REDIC1: variants seen among roughly 807,000 people sequenced by gnomAD.
The protein encoded by REDIC1 is HEI10 Interacting Protein 1.
chr12:39,717,150 A>G, the REDIC1 span, among the ~76,000 whole-genome samples: 3 of 149,952 alleles, frequency 2.0e-5, no homozygotes, highest in African/African-American at 7.3e-5. Flanking sequence ...TATGTTATAT[A>G]TATACACACA....
the REDIC1 span, among the ~76,000 whole-genome samples, chr12:39,809,753 G>A: frequency 5.3e-5 from 8 of 152,162 alleles, no homozygotes; most frequent in South Asian, 2.1e-4. Context: ...GAGAACATGC[G>A]GTGTTTGGTT....
chr12:39,820,633 C>G, the REDIC1 span, among the ~76,000 whole-genome samples: 3 of 151,194 alleles, frequency 2.0e-5, no homozygotes, highest in East Asian at 5.8e-4. Flanking sequence ...AGCAAAAAAC[C>G]TCCTGAGATT....
At chr12:39,858,516 A>C in the REDIC1 span, among the ~76,000 whole-genome samples, 5 of 152,220 alleles carry the variant, frequency 3.3e-5, no homozygotes, top group African/African-American at 1.2e-4. Context: ...TTCACTGTCA[A>C]GATGCTATGA....
At chr12:39,701,874 A>G in the REDIC1 span, among the ~76,000 whole-genome samples, 3 of 151,976 alleles carry the variant, frequency 2.0e-5, no homozygotes, top group Non-Finnish European at 4.4e-5. Context: ...AGAAATAAAG[A>G]TGTTCTTTGA....
the REDIC1 span, among the ~76,000 whole-genome samples, chr12:39,731,536 G>A: frequency 6.6e-6 from 1 of 152,176 alleles, no homozygotes; most frequent in African/African-American, 2.4e-5. Context: ...TTGTCCCAGA[G>A]GGGCACCCGC....
At chr12:39,844,573 A>G in the REDIC1 span, among the ~76,000 whole-genome samples, 2 of 152,026 alleles carry the variant, frequency 1.3e-5, no homozygotes, top group Non-Finnish European at 2.9e-5. Flanking sequence ...AAATATAAAT[A>G]ATTAATCAAG....
At chr12:39,688,812 A>T in the REDIC1 span, among the ~76,000 whole-genome samples, 2 of 152,150 alleles carry the variant, frequency 1.3e-5, no homozygotes, top group South Asian at 4.1e-4. Flanking sequence ...GTGATTGGTG[A>T]TTAGTTAAGG....
the REDIC1 span, among the ~76,000 whole-genome samples, chr12:39,769,429 C>A: frequency 6.6e-6 from 1 of 152,032 alleles, no homozygotes; most frequent in Admixed American, 6.6e-5. Flanking sequence ...AACTGGAATT[C>A]TTTTAAAAGA....
At chr12:39,793,351 G>A in the REDIC1 span, among the ~76,000 whole-genome samples, 3 of 152,076 alleles carry the variant, frequency 2.0e-5, no homozygotes, top group African/African-American at 7.2e-5. Context: ...TAAATGCAGA[G>A]ATGTACCTTG....
the REDIC1 span, among the ~76,000 whole-genome samples, chr12:39,672,860 G>T: frequency 1.3e-5 from 2 of 152,114 alleles, no homozygotes; most frequent in Admixed American, 1.3e-4. Flanking sequence ...TTGGGGCCTG[G>T]GCTATCAAAT....
the REDIC1 span, chr12:39,871,927 C>T: frequency 6.2e-7 from 1 of 1,609,538 alleles, no homozygotes; most frequent in Non-Finnish European, 8.5e-7. Flanking sequence ...TCATCTTCAA[C>T]ACCAGACATC....
At chr12:39,734,566 T>C in the REDIC1 span, among the ~76,000 whole-genome samples, 1 of 152,216 alleles carries the variant, frequency 6.6e-6, no homozygotes, top group Non-Finnish European at 1.5e-5. Flanking sequence ...ATGTATATAA[T>C]ATAGGGTTAT....
the REDIC1 span, among the ~76,000 whole-genome samples, chr12:39,770,402 A>C: frequency 6.6e-6 from 1 of 152,172 alleles, no homozygotes; most frequent in Non-Finnish European, 1.5e-5. Context: ...TCTGAGTTCA[A>C]ATCGTGACTC....
At chr12:39,642,932 C>G in the REDIC1 span, among the ~76,000 whole-genome samples, 2 of 151,714 alleles carry the variant, frequency 1.3e-5, no homozygotes, top group Non-Finnish European at 3.0e-5. Flanking sequence ...AGAGCCTCAA[C>G]TTCTTGAAAA....
the REDIC1 span, among the ~76,000 whole-genome samples, chr12:39,752,618 A>G: frequency 1.3e-5 from 2 of 152,202 alleles, no homozygotes; most frequent in African/African-American, 4.8e-5. Context: ...ATTGCATTAC[A>G]CAGAGTCAAA....
the REDIC1 span, among the ~76,000 whole-genome samples, chr12:39,898,288 A>G: frequency 2.0e-5 from 3 of 152,210 alleles, no homozygotes; most frequent in Non-Finnish European, 2.9e-5. Context: ...TTTCGAAAAT[A>G]TAAGACAAGC....
At chr12:39,772,112 A>G in the REDIC1 span, among the ~76,000 whole-genome samples, 1 of 152,144 alleles carries the variant, frequency 6.6e-6, no homozygotes, top group East Asian at 1.9e-4. Flanking sequence ...AGTGCTCTGT[A>G]TGGTCATATA....
At chr12:39,866,728 C>A in the REDIC1 span, among the ~76,000 whole-genome samples, 67 of 152,184 alleles carry the variant, frequency 4.4e-4, no homozygotes, top group Non-Finnish European at 8.4e-4. Context: ...ATCCGCCAGC[C>A]TCGGCCTCCC....
chr12:39,799,068 T>C, the REDIC1 span, among the ~76,000 whole-genome samples: 3 of 150,778 alleles, frequency 2.0e-5, no homozygotes, highest in African/African-American at 7.3e-5. Flanking sequence ...TGTTCTGGTT[T>C]TTTTTTTTTT....
Sources: gnomAD v4.1 joint callset for allele counts (sites outside exome capture counted in the v4.1 genomes callset) on GRCh38, gnomAD v4.1.1 for gene constraint, MANE v1.5 for transcripts, NCBI Gene and HGNC (gene_info 2026-07-23, HGNC 2026-07-21) for gene names.